Variants in PCDHA9 observed in about 807,000 individuals in gnomAD.
The protein encoded by PCDHA9 is protocadherin alpha-9.
Under a neutral mutation model 62.0 loss-of-function variants are expected in PCDHA9, and 62 were observed. That is an observed-to-expected ratio of 1.00 (90% CI 0.81 to 1.23). PCDHA9 has a LOEUF of 1.23. Ranked by LOEUF, PCDHA9 falls within the 50% of genes most tolerant of loss-of-function variation. The pLI is 0.00. For synonymous variants in PCDHA9, 557 were observed against 567.6 expected (o/e 0.98, Z 0.27); for missense variants, 1,205 against 1,249.8 (o/e 0.96, Z 0.54).
intron 1 of PCDHA9, among the ~76,000 whole-genome samples, chr5:140,946,813 G>T (rs2094033515): frequency 6.6e-6 from 1 of 151,408 alleles, no homozygotes; most frequent in South Asian, 2.1e-4. Flanking sequence ...GTATAACAGT[G>T]ATTACCAGAG....
At chr5:141,000,030 C>T (rs1261016075) in intron 3 of PCDHA9, among the ~76,000 whole-genome samples, 3 of 152,058 alleles carry the variant, frequency 2.0e-5, no homozygotes, top group African/African-American at 7.2e-5. Flanking sequence ...GCCTGACATC[C>T]AATCACACAC....
chr5:140,969,257 A>G, intron 1 of PCDHA9: 1 of 1,614,220 alleles, frequency 6.2e-7, no homozygotes, highest in Non-Finnish European at 8.5e-7. Context: ...TGACAGCAGG[A>G]ATCTCACAGG....
intron 1 of PCDHA9, chr5:140,867,827 C>A (rs1219513690): frequency 2.0e-5 from 3 of 152,066 alleles, no homozygotes; most frequent in Non-Finnish European, 4.4e-5. Context: ...TCCACAAGCA[C>A]TAAGGTAATT....
chr5:140,919,505 CTA>C (rs2079156587), intron 1 of PCDHA9, among the ~76,000 whole-genome samples: 3 of 152,008 alleles, frequency 2.0e-5, no homozygotes, highest in Admixed American at 6.6e-5. Context: ...ACTCCTTTTT[CTA>C]TATGTTTTAA....
At chr5:140,926,554 G>A (rs2083344574) in intron 1 of PCDHA9, 1 of 237,224 alleles carries the variant, frequency 4.2e-6, no homozygotes, top group Non-Finnish European at 8.0e-6. Context: ...CGAGACCCCA[G>A]CCCGCTGCTA....
intron 1 of PCDHA9, chr5:140,863,701 A>G (rs782228120): frequency 3.1e-5 from 9 of 294,760 alleles, no homozygotes; most frequent in Non-Finnish European, 6.0e-5. Context: ...TGCTTTATTT[A>G]AAGTACACTG....
In PCDHA9 at chr5:140,856,514, G is replaced by C. The variant is rs781942781; in HGVS notation, c.2394+5625G>C. 1 of 1,598,422 alleles carries C rather than the reference G, an allele frequency of 6.3e-7. No individual in the cohort carries two copies. The highest frequency in any genetic ancestry group is 1.3e-5 in the African/African-American group (1 of 74,442). On this transcript the variant is annotated intron_variant, in intron 1 of 3. Coordinates refer to ENST00000532602, the MANE Select transcript of PCDHA9 (RefSeq NM_031857.2). ...TGACTCTCGATTTCCACTAGAAGGC[G>C]CATCTGATGCGGATGTTGGAGAGAA... is the stretch of plus-strand genomic sequence containing the variant.
At chr5:140,891,317 C>A (rs2063039508) in intron 1 of PCDHA9, among the ~76,000 whole-genome samples, 1 of 151,808 alleles carries the variant, frequency 6.6e-6, no homozygotes, top group South Asian at 2.1e-4. Context: ...TGAGTAAGTT[C>A]TTTGGTGGTG....
intron 1 of PCDHA9, chr5:140,884,030 G>A: frequency 6.2e-7 from 1 of 1,613,438 alleles, no homozygotes; most frequent in Non-Finnish European, 8.5e-7. Flanking sequence ...GGTGGGTGCA[G>A]GCCACGTGGT....
rs139533789 is a variant in PCDHA9, at chr5:140,857,716, C to T, written c.2394+6827C>T. On this transcript the variant is annotated intron_variant, in intron 1 of 3. Coordinates refer to ENST00000532602, the MANE Select transcript of PCDHA9 (RefSeq NM_031857.2). Reference sequence around the variant, plus strand: ...TGACGCTGCAGGTGTTCGTGCTGGACGAGAACGACAACGCTCCCGCGCTGC... The same window carrying T: ...TGACGCTGCAGGTGTTCGTGCTGGATGAGAACGACAACGCTCCCGCGCTGC... 4,225 of 1,597,384 alleles carry T rather than the reference C, an allele frequency of 2.6e-3. 332 individuals are homozygous for T. The highest frequency in any genetic ancestry group is 8.2e-3 in the Middle Eastern group (46 of 5,608).
intron 1 of PCDHA9, among the ~76,000 whole-genome samples, chr5:140,953,962 T>C (rs2153701012): frequency 6.6e-6 from 1 of 152,196 alleles, no homozygotes; most frequent in Admixed American, 6.5e-5. Flanking sequence ...CAGGCCCCAG[T>C]GTGTGTTGTT....
At chr5:140,884,390 T>C in intron 1 of PCDHA9, 7 of 1,613,968 alleles carry the variant, frequency 4.3e-6, no homozygotes, top group Middle Eastern at 1.6e-4. Context: ...CTGCGCGGTG[T>C]CCAGCCTGTT....
In PCDHA9 at chr5:140,857,943, C is replaced by T. The variant is rs782648009; in HGVS notation, c.2394+7054C>T. 3 of 1,597,460 alleles carry T rather than the reference C, an allele frequency of 1.9e-6. 1 individual carries two copies. The highest frequency in any genetic ancestry group is 2.6e-6 in the Non-Finnish European group (3 of 1,167,412). Reference sequence around the variant, plus strand: ...GGGCTGTACACGGGCGAGATCAGTACGACGCGCGCTCTGGATGAGACTGAC... The same window carrying T: ...GGGCTGTACACGGGCGAGATCAGTATGACGCGCGCTCTGGATGAGACTGAC... On this transcript the variant is annotated intron_variant, in intron 1 of 3. Coordinates refer to ENST00000532602, the MANE Select transcript of PCDHA9 (RefSeq NM_031857.2).
At position 140,853,431 on chromosome 5, in the gene PCDHA9, T is replaced by C; in HGVS notation, c.2394+2542T>C. 3.0e-6 allele frequency: 3 copies of C among 985,312 alleles called. No homozygotes were observed. In the African/African-American group the frequency reaches 5.3e-5, roughly 17 times the overall value. The allele number at this position is 985,312 out of a possible 1,614,324, so 61.0% of individuals were successfully genotyped here. On this transcript the variant is annotated intron_variant, in intron 1 of 3. Coordinates refer to ENST00000532602, the MANE Select transcript of PCDHA9 (RefSeq NM_031857.2). ...AGAGGTGAAAGCAGAAGAGACACTTTCCTATTTTGCCTAATAGGTCTCCTT... is the reference window on the plus strand; with the variant it reads ...AGAGGTGAAAGCAGAAGAGACACTTCCCTATTTTGCCTAATAGGTCTCCTT...
chr5:140,938,679 T>C (rs574212689), intron 1 of PCDHA9, among the ~76,000 whole-genome samples: 1 of 152,302 alleles, frequency 6.6e-6, no homozygotes, highest in South Asian at 2.1e-4. Flanking sequence ...CCTAACATTT[T>C]CTTTACAGTT....
chr5:140,866,259 T>C (rs2049241676), intron 1 of PCDHA9: 1 of 152,166 alleles, frequency 6.6e-6, no homozygotes, highest in South Asian at 2.1e-4. Context: ...CCTTCTTTCT[T>C]TACTGTGAAT....
At chr5:140,906,059 G>A (rs1583580035) in intron 1 of PCDHA9, among the ~76,000 whole-genome samples, 1 of 152,158 alleles carries the variant, frequency 6.6e-6, no homozygotes, top group South Asian at 2.1e-4. Flanking sequence ...TGCACTGGCA[G>A]CTGATTAGAT....
intron 1 of PCDHA9, among the ~76,000 whole-genome samples, chr5:140,952,192 G>A (rs572613863): frequency 1.1e-4 from 16 of 152,198 alleles, no homozygotes; most frequent in African/African-American, 3.9e-4. Flanking sequence ...TCATGGGTTG[G>A]TGTTGAATGC....
intron 1 of PCDHA9, among the ~76,000 whole-genome samples, chr5:140,965,384 A>C (rs1275113616): frequency 6.6e-6 from 1 of 152,222 alleles, no homozygotes; most frequent in Non-Finnish European, 1.5e-5. Flanking sequence ...GGGACACAGA[A>C]GAACAGAAGT....
Sources: gnomAD v4.1 joint callset for allele counts (sites outside exome capture counted in the v4.1 genomes callset) on GRCh38, gnomAD v4.1.1 for gene constraint, MANE v1.5 for transcripts, NCBI Gene and HGNC (gene_info 2026-07-23, HGNC 2026-07-21) for gene names.